Variants in ZNF841 observed in about 807,000 individuals in gnomAD.
ZNF841 encodes the protein TCONS_00006091.
ZNF841 carries 11 observed loss-of-function variants against 13.0 expected under a neutral mutation model. The ratio of observed to expected loss-of-function variants is 0.85; its 90% CI spans 0.53 to 1.40. The LOEUF (loss-of-function observed/expected upper bound fraction) is 1.40. ZNF841 is among the 40% of genes most tolerant of loss of function. The pLI is 0.00. For missense variants in ZNF841, 1,068 were observed against 1,139.5 expected (o/e 0.94, Z 0.90); for synonymous variants, 369 against 381.6 (o/e 0.97, Z 0.38).
chr19:52,061,422 C>G (rs2087394325), downstream of ZNF841, among the ~76,000 whole-genome samples: 1 of 152,140 alleles, frequency 6.6e-6, no homozygotes, highest in Non-Finnish European at 1.5e-5. Context: ...TCAGAAATCC[C>G]ATATGCACAG....
downstream of ZNF841, among the ~76,000 whole-genome samples, chr19:52,063,900 C>T (rs1030804752): frequency 1.3e-5 from 2 of 151,928 alleles, no homozygotes; most frequent in South Asian, 4.1e-4. Flanking sequence ...GCTTCTGCCA[C>T]CCTCATTTCA....
intron 6 of ZNF841, among the ~76,000 whole-genome samples, chr19:52,068,039 TAATA>T (rs145900184): frequency 0.019 from 2,904 of 152,198 alleles, 85 homozygotes; most frequent in African/African-American, 0.066. Flanking sequence ...AAATATTAAC[TAATA>T]AATAATCATA....
At chr19:52,059,267 A>C in the ZNF841 span, among the ~76,000 whole-genome samples, 1,167 of 148,848 alleles carry the variant, frequency 7.8e-3, 21 homozygotes, top group African/African-American at 0.028. Flanking sequence ...GGAGAATGGC[A>C]AGAACCCGAG....
downstream of ZNF841, among the ~76,000 whole-genome samples, chr19:52,064,197 T>C (rs1345549627): frequency 1.3e-5 from 2 of 149,566 alleles, no homozygotes; most frequent in Admixed American, 1.3e-4. Context: ...ACAAAAAAAA[T>C]TAGCCGGGCG....
chr19:52,063,583 G>C (rs1419869000), downstream of ZNF841: 1 of 151,656 alleles, frequency 6.6e-6, no homozygotes, highest in Non-Finnish European at 1.5e-5. Context: ...CCTGACATCA[G>C]ATGATCCACC....
At chr19:52,089,550 G>T (rs2088401345) in intron 2 of ZNF841, among the ~76,000 whole-genome samples, 1 of 152,124 alleles carries the variant, frequency 6.6e-6, no homozygotes, top group African/African-American at 2.4e-5. Context: ...GGGAGGCTGA[G>T]GTGAGAGGAT....
intron 1 of ZNF841, among the ~76,000 whole-genome samples, chr19:52,094,273 A>C (rs2088599817): frequency 6.6e-6 from 1 of 152,206 alleles, no homozygotes; most frequent in South Asian, 2.1e-4. Context: ...AACATATTTC[A>C]AATCAGAGTA....
At chr19:52,090,654 GGAAA>G (rs60931653) in intron 2 of ZNF841, among the ~76,000 whole-genome samples, 4,641 of 84,478 alleles carry the variant, frequency 0.055, 138 homozygotes, top group Middle Eastern at 0.082. Flanking sequence ...AAGGAAGGAA[GGAAA>G]GAAAGAAAGA....
chr19:52,061,349 G>A (rs1003242825), downstream of ZNF841, among the ~76,000 whole-genome samples: 1 of 152,062 alleles, frequency 6.6e-6, no homozygotes, highest in African/African-American at 2.4e-5. Flanking sequence ...GGGCAGTCTT[G>A]GTAGCCTTAA....
intron 2 of ZNF841, among the ~76,000 whole-genome samples, chr19:52,091,473 A>G (rs2088494737): frequency 1.3e-5 from 2 of 152,248 alleles, no homozygotes; most frequent in African/African-American, 4.8e-5. Flanking sequence ...TCCTAACAGT[A>G]TAATACTGGC....
Position 52,084,845 on chromosome 19 carries a change from TCA to T in ZNF841, c.-46_-45del. On this transcript the variant is annotated 5_prime_UTR_variant, in exon 4 of 7. Coordinates refer to ENST00000594440, the MANE Select transcript of ZNF841 (RefSeq NM_001136499.2). ...CTTCTTTCTCTCCTGGGCCTCTCTC[TCA>T]GTCAATATAATTAATTCTTTAAAAG... 6.3e-7 allele frequency: 1 copy of T among 1,588,022 alleles called. No homozygotes were observed. The highest frequency in any genetic ancestry group is 8.6e-7 in the Non-Finnish European group (1 of 1,168,492).
At chr19:52,074,819 G>C (rs2087847537) in intron 6 of ZNF841, among the ~76,000 whole-genome samples, 1 of 152,094 alleles carries the variant, frequency 6.6e-6, no homozygotes, top group Non-Finnish European at 1.5e-5. Context: ...TGCCCGGCAT[G>C]GGAGAAATTC....
chr19:52,065,129 A>T lies in ZNF841; in HGVS notation c.2753T>A (p.Leu918Gln), dbSNP rs1168164928. ...LNVERPLDVVLTSGIPK is the reference protein window; with the variant it reads ...LNVERPLDVVQTSGIPK ...AAATTATTTGGGGATCCCAGAGGTT[A>T]GGACAACATCTAACGGCCTTTCCAC... is the stretch of plus-strand genomic sequence containing the variant. The change falls in exon 7 of 7, where the codon CTA (leucine) becomes CAA (glutamine). Residue 918 changes from leucine (L) to glutamine (Q), a missense_variant. Leu to Gln is a moderately radical substitution (Grantham distance 113). Coordinates refer to ENST00000594440, the MANE Select transcript of ZNF841 (RefSeq NM_001136499.2). 1 of 1,541,922 alleles carries T rather than the reference A, an allele frequency of 6.5e-7. No homozygotes were observed. Among genetic ancestry groups the T allele is most frequent in the Non-Finnish European group, 8.7e-7 (1 of 1,147,294 alleles).
chr19:52,066,476 C>G lies in ZNF841; in HGVS notation c.1406G>C (p.Arg469Pro), dbSNP rs748072386. The G allele has an allele frequency of 6.2e-7, 1 of 1,613,308 alleles. No individual in the cohort carries two copies. The highest frequency in any genetic ancestry group is 8.5e-7 in the Non-Finnish European group (1 of 1,179,780). Residue 469 changes from arginine to proline, a missense_variant, in exon 7 of 7, where the codon CGT becomes CCT. By Grantham distance (103) the Arg-to-Pro change is moderately radical. Coordinates refer to ENST00000594440, the MANE Select transcript of ZNF841 (RefSeq NM_001136499.2). ...CNECGKVFFQ[R>P]SRLAGHRRIH... ...TCTCCGGTGCCCTGCAAGACGTGAACGTTGAAAGAAGACCTTGCCACATTC... is the reference window on the plus strand; with the variant it reads ...TCTCCGGTGCCCTGCAAGACGTGAAGGTTGAAAGAAGACCTTGCCACATTC...
intron 2 of ZNF841, among the ~76,000 whole-genome samples, chr19:52,090,878 A>C (rs1387728996): frequency 6.6e-6 from 1 of 152,082 alleles, no homozygotes; most frequent in East Asian, 1.9e-4. Context: ...TGCTGAGTGC[A>C]ATTACTCCCT....
At chr19:52,090,487 T>C (rs2088433127) in intron 2 of ZNF841, among the ~76,000 whole-genome samples, 2 of 151,880 alleles carry the variant, frequency 1.3e-5, no homozygotes, top group South Asian at 4.2e-4. Flanking sequence ...TAGTCTTAGC[T>C]ACCTGGGAGC....
At chr19:52,080,417 G>T (rs1313509032) in intron 4 of ZNF841, among the ~76,000 whole-genome samples, 1 of 152,156 alleles carries the variant, frequency 6.6e-6, no homozygotes, top group Non-Finnish European at 1.5e-5. Context: ...CCACTTGACA[G>T]AGATCCAGCC....
rs1172888141 is a variant in ZNF841, at chr19:52,076,112, G to A, written c.203C>T (p.Thr68Ile). The A allele has an allele frequency of 1.9e-6, 3 of 1,556,970 alleles. No individual in the cohort carries two copies. Among genetic ancestry groups the A allele is most frequent in the Non-Finnish European group, 2.6e-6 (3 of 1,149,608 alleles). ...CGCTATTTTCACTTGGCTCACCACA[G>A]TCCAGGGCTCTTTCCCTTGCTCCAA... ...SMLEQGKEPWTVVSQVKIARN... is the reference protein window; with the variant it reads ...SMLEQGKEPWIVVSQVKIARN... Residue 68 changes from threonine (T) to isoleucine (I), a missense_variant, in exon 6 of 7, where the codon ACT becomes ATT. Physicochemically the swap from Thr to Ile is moderately conservative, Grantham distance 89. Coordinates refer to ENST00000594440, the MANE Select transcript of ZNF841 (RefSeq NM_001136499.2).
chr19:52,067,562 C>T lies in ZNF841; in HGVS notation c.320G>A (p.Ser107Asn). 1.9e-6 allele frequency: 3 copies of T among 1,597,434 alleles called. No individual in the cohort carries two copies. The highest frequency in any genetic ancestry group is 2.6e-6 in the Non-Finnish European group (3 of 1,173,896). The change falls in exon 7 of 7, where the codon AGT becomes AAT. Residue 107 changes from serine to asparagine, a missense_variant. Ser to Asn is a conservative substitution (Grantham distance 46, BLOSUM62 1). Transcript: ENST00000594440. ...VIKELPPIQN[S>N]NTGEKFQAVM... is the part of the protein sequence containing the mutation. ...TGCTTGGAATTTTTCTCCTGTGTTACTGTTCTGTATTGGTGGTAATTCCTT... is the reference window on the plus strand; with the variant it reads ...TGCTTGGAATTTTTCTCCTGTGTTATTGTTCTGTATTGGTGGTAATTCCTT...
Sources: allele counts gnomAD v4.1 joint callset (sites outside exome capture counted in the v4.1 genomes callset), GRCh38; gene constraint gnomAD v4.1.1; transcripts MANE v1.5; gene names NCBI Gene and HGNC (gene_info 2026-07-23, HGNC 2026-07-21).